Variants in ALK observed in about 807,000 individuals in gnomAD.
The protein encoded by ALK is ALK receptor tyrosine kinase.
ALK carries 74 observed loss-of-function variants against 163.1 expected under a neutral mutation model. The ratio of observed to expected loss-of-function variants is 0.45; its 90% CI spans 0.38 to 0.55. The LOEUF (loss-of-function observed/expected upper bound fraction) is 0.55. Ranked by LOEUF, ALK falls within the 20% of genes least tolerant of loss-of-function variation. The pLI, the probability that ALK is intolerant of heterozygous loss-of-function variation, is 0.00. For synonymous variants in ALK, 960 were observed against 843.2 expected, an observed-to-expected ratio of 1.14 and a Z score of -2.40; for missense variants, 2,063 against 2,105.3, an observed-to-expected ratio of 0.98 and a Z score of 0.39.
intron 15 of ALK, among the ~76,000 whole-genome samples, chr2:29,232,092 C>T (rs1460062735): frequency 6.6e-6 from 1 of 152,210 alleles, no homozygotes; most frequent in South Asian, 2.1e-4. Context: ...TCTCAGTGAC[C>T]TTCTACAAGT....
At chr2:29,672,830 C>T (rs1302865367) in intron 3 of ALK, among the ~76,000 whole-genome samples, 35 of 142,166 alleles carry the variant, frequency 2.5e-4, no homozygotes, top group African/African-American at 7.8e-4. Flanking sequence ...ACATCCTCTC[C>T]AGCACCTGTT....
At chr2:29,547,113 A>T (rs1406238378) in intron 3 of ALK, among the ~76,000 whole-genome samples, 1 of 152,236 alleles carries the variant, frequency 6.6e-6, no homozygotes, top group East Asian at 1.9e-4. Context: ...CAAGATGGCT[A>T]GGCTGAGTTC....
At chr2:29,479,384 C>A (rs1457602513) in intron 4 of ALK, among the ~76,000 whole-genome samples, 2 of 152,204 alleles carry the variant, frequency 1.3e-5, no homozygotes, top group African/African-American at 4.8e-5. Flanking sequence ...GACGCTTGAA[C>A]ACACAGGCCT....
chr2:29,524,582 T>C (rs1158575807), intron 4 of ALK, among the ~76,000 whole-genome samples: 1 of 152,220 alleles, frequency 6.6e-6, no homozygotes, highest in African/African-American at 2.4e-5. Flanking sequence ...AATGAGTTGA[T>C]AGAGGTTGAC....
At chr2:29,867,293 A>G (rs752116504) in intron 1 of ALK, among the ~76,000 whole-genome samples, 1 of 152,192 alleles carries the variant, frequency 6.6e-6, no homozygotes, top group Non-Finnish European at 1.5e-5. Flanking sequence ...CAAAAAACAA[A>G]AAACATTAAG....
intron 1 of ALK, among the ~76,000 whole-genome samples, chr2:29,879,353 C>T (rs549732847): frequency 1.5e-3 from 227 of 152,294 alleles, no homozygotes; most frequent in Middle Eastern, 3.4e-3. Flanking sequence ...ACTATGCATG[C>T]AGCAACACAC....
In ALK at chr2:29,355,725, C is replaced by T. The variant is rs892032804; in HGVS notation, c.1283-27244G>A. ...CTGCCTTTTAGGTCAGGCATTAAAA[C>T]CTAACACCCTGAACTCTCCAAACTC... On this transcript the variant is annotated intron_variant, in intron 5 of 28. Transcript: ENST00000389048. Among the ~76,000 whole-genome samples the T allele has an allele frequency of 4.6e-5, 7 of 152,148 alleles. 1 individual carries two copies. The highest frequency in any genetic ancestry group is 1.0e-4 in the Non-Finnish European group (7 of 68,042).
At chr2:29,252,661 C>T (rs866546608) in intron 11 of ALK, among the ~76,000 whole-genome samples, 10 of 152,142 alleles carry the variant, frequency 6.6e-5, no homozygotes, top group Non-Finnish European at 1.2e-4. Context: ...CTACTCAGCA[C>T]GGAGTCCTCA....
At chr2:29,751,886 C>T (rs1680375459) in intron 1 of ALK, among the ~76,000 whole-genome samples, 1 of 152,152 alleles carries the variant, frequency 6.6e-6, no homozygotes, top group Non-Finnish European at 1.5e-5. Flanking sequence ...CCTAGAGATA[C>T]TGGTTAAGGA....
intron 4 of ALK, among the ~76,000 whole-genome samples, chr2:29,459,877 T>A (rs1671044843): frequency 6.6e-6 from 1 of 152,200 alleles, no homozygotes; most frequent in African/African-American, 2.4e-5. Flanking sequence ...AACTGAATTT[T>A]ATGTTACTTT....
intron 5 of ALK, among the ~76,000 whole-genome samples, chr2:29,370,738 G>T (rs1056487064): frequency 6.6e-6 from 1 of 152,158 alleles, no homozygotes; most frequent in Non-Finnish European, 1.5e-5. Context: ...ATCCTAGTGG[G>T]GTTGTAGCCT....
chr2:29,803,394 A>G (rs540487922), intron 1 of ALK, among the ~76,000 whole-genome samples: 54 of 152,354 alleles, frequency 3.5e-4, no homozygotes, highest in Admixed American at 6.5e-4. Flanking sequence ...ATAATAACTA[A>G]AAGGCCAGCA....
intron 1 of ALK, among the ~76,000 whole-genome samples, chr2:29,764,565 TGA>T (rs1680804318): frequency 6.6e-6 from 1 of 152,180 alleles, no homozygotes; most frequent in Non-Finnish European, 1.5e-5. Flanking sequence ...CCAGGCACTG[TGA>T]GAGTCACTAC....
chr2:29,917,326 G>A (rs1400362935), intron 1 of ALK, among the ~76,000 whole-genome samples: 3 of 152,178 alleles, frequency 2.0e-5, no homozygotes, highest in Admixed American at 6.5e-5. Flanking sequence ...GCTGAGCTGT[G>A]CCTACTTTCC....
intron 4 of ALK, among the ~76,000 whole-genome samples, chr2:29,528,467 G>A (rs1196543610): frequency 6.6e-6 from 1 of 152,192 alleles, no homozygotes; most frequent in Non-Finnish European, 1.5e-5. Flanking sequence ...AGCGATCTTA[G>A]CTCAGCCTCT....
chr2:29,292,053 C>T (rs1481792225), intron 9 of ALK, among the ~76,000 whole-genome samples: 1 of 152,190 alleles, frequency 6.6e-6, no homozygotes, highest in African/African-American at 2.4e-5. Context: ...TGGTGAAACA[C>T]ACCACTTGTC....
chr2:29,269,753 C>T (rs560144140), intron 11 of ALK, among the ~76,000 whole-genome samples: 179 of 152,268 alleles, frequency 1.2e-3, no homozygotes, highest in African/African-American at 4.2e-3. Flanking sequence ...TCAAGCGGCT[C>T]CAAGGGTTCT....
chr2:29,863,855 C>T (rs1558524064), intron 1 of ALK, among the ~76,000 whole-genome samples: 1 of 152,058 alleles, frequency 6.6e-6, no homozygotes, highest in Non-Finnish European at 1.5e-5. Flanking sequence ...ATTAACCTTC[C>T]CCTACTCTTT....
chr2:29,740,180 T>C (rs1373438003), intron 1 of ALK, among the ~76,000 whole-genome samples: 1 of 152,084 alleles, frequency 6.6e-6, no homozygotes, highest in Admixed American at 6.5e-5. Flanking sequence ...AGTCCCTAAC[T>C]ATGCAGGGCC....
Sources: gnomAD v4.1 joint callset for allele counts (sites outside exome capture counted in the v4.1 genomes callset) on GRCh38, gnomAD v4.1.1 for gene constraint, MANE v1.5 for transcripts, NCBI Gene and HGNC (gene_info 2026-07-23, HGNC 2026-07-21) for gene names.